PAXBP1: variants seen among roughly 807,000 people sequenced by gnomAD.
The protein encoded by PAXBP1 is PAX3- and PAX7-binding protein 1.
In PAXBP1, 44 loss-of-function variants were observed where a neutral mutation model predicts 119.9. That is an observed-to-expected ratio of 0.37 (90% CI 0.29 to 0.47). The LOEUF (loss-of-function observed/expected upper bound fraction) is 0.47. PAXBP1 is among the 20% of genes least tolerant of loss of function. PAXBP1 has a pLI of 0.99. For synonymous variants in PAXBP1, 393 were observed against 406.6 expected (o/e 0.97, Z 0.40); for missense variants, 898 against 1,134.1 (o/e 0.79, Z 2.99).
chr21:32,760,855 C>T (rs1459863747), intron 5 of PAXBP1, among the ~76,000 whole-genome samples: 1 of 151,784 alleles, frequency 6.6e-6, no homozygotes, highest in African/African-American at 2.4e-5. Context: ...AAGCCGAACA[C>T]ACTGCAGTTT....
At chr21:32,756,581 C>CT in intron 7 of PAXBP1, 1 of 255,070 alleles carries the variant, frequency 3.9e-6, no homozygotes, top group South Asian at 3.8e-5. Flanking sequence ...TCCAGAGACT[C>CT]TATCATTAAA....
Position 32,759,101 on chromosome 21 carries a change from C to G in PAXBP1, c.1362G>C (p.Leu454Phe). The G allele has an allele frequency of 6.2e-7, 1 of 1,613,608 alleles. No individual in the cohort carries two copies. The highest frequency in any genetic ancestry group is 8.5e-7 in the Non-Finnish European group (1 of 1,179,736). The change falls in exon 7 of 18, where the codon TTG becomes TTC. Residue 454 changes from leucine to phenylalanine, a missense_variant. Transcript: ENST00000331923. ...TTACCTTTTCACTGAAACACTCAAG[C>G]AAGTCTTGGACATACCCTCGCATTT... Reference protein sequence around the residue: ...LQEMRGYVQDLLECFSEKVPL... With the variant: ...LQEMRGYVQDFLECFSEKVPL...
At chr21:32,750,036 A>G (rs914618165) in intron 10 of PAXBP1, among the ~76,000 whole-genome samples, 4 of 152,232 alleles carry the variant, frequency 2.6e-5, no homozygotes, top group African/African-American at 9.6e-5. Context: ...GAAAAATTAT[A>G]TATGGACATG....
Position 32,761,194 on chromosome 21 carries a change from A to T in PAXBP1, c.872-32T>A, listed in dbSNP as rs765322251. 1.9e-6 allele frequency: 3 copies of T among 1,548,606 alleles called. No individual in the cohort carries two copies. The Admixed American group carries it at 5.1e-5, about 26-fold the overall frequency. On this transcript the variant is annotated intron_variant, in intron 4 of 17. Transcript: ENST00000331923. ...CCATGAGCAACAAAGAAAAGTAAGT[A>T]ACACCCAAAGAGCAAAGAGGTAAAA...
intron 7 of PAXBP1, among the ~76,000 whole-genome samples, chr21:32,757,285 TTTG>T (rs2044058730): frequency 6.6e-6 from 1 of 152,110 alleles, no homozygotes; most frequent in African/African-American, 2.4e-5. Flanking sequence ...GCAGTACTTT[TTTG>T]TTTTTTCTTT....
rs935839562 is a variant in PAXBP1 at position 32,760,904 on chromosome 21, T to TGCGTGC, written c.975+154_975+155insGCACGC. Among the ~76,000 whole-genome samples, 17 of 142,276 alleles carry TGCGTGC rather than the reference T, an allele frequency of 1.2e-4. No homozygotes were observed. In the East Asian group the frequency reaches 1.6e-3, roughly 13 times the overall value. The allele number at this position is 142,276 out of a possible 152,430, so 93.3% of individuals were successfully genotyped here. A position where few individuals can be genotyped will look rare whatever the true frequency, so the allele number is the denominator to read the frequency against. ...ACGTGTCTCTGTGTGCGTGCGTGCG[T>TGCGTGC]GTGTGTGTGTGTGTGTGTGTGTGTG... On this transcript the variant is annotated intron_variant, in intron 5 of 17. Coordinates refer to ENST00000331923, the MANE Select transcript of PAXBP1 (RefSeq NM_016631.4).
At chr21:32,760,503 G>T (rs960176926) in intron 5 of PAXBP1, among the ~76,000 whole-genome samples, 2 of 152,156 alleles carry the variant, frequency 1.3e-5, no homozygotes, top group African/African-American at 4.8e-5. Flanking sequence ...TAACTGGGAA[G>T]ATATTTTTCA....
intron 11 of PAXBP1, among the ~76,000 whole-genome samples, chr21:32,746,926 T>C (rs1388367642): frequency 6.6e-6 from 1 of 152,202 alleles, no homozygotes; most frequent in Admixed American, 6.5e-5. Flanking sequence ...CGAGGTCATG[T>C]CCTTTGCAGG....
chr21:32,760,936 T>A, intron 5 of PAXBP1, 123 bp downstream of exon 5: 1 of 672,404 alleles, frequency 1.5e-6, no homozygotes, highest in Non-Finnish European at 2.6e-6. Context: ...TGTGTGTGTC[T>A]CCTCATGGGA....
chr21:32,749,362 T>G (rs2043924423), intron 10 of PAXBP1, among the ~76,000 whole-genome samples: 1 of 151,916 alleles, frequency 6.6e-6, no homozygotes, highest in South Asian at 2.1e-4. Context: ...GCCCAACTAA[T>G]TTTTGTATTT....
chr21:32,770,167 C>T (rs1233788744), intron 1 of PAXBP1, among the ~76,000 whole-genome samples: 3 of 152,134 alleles, frequency 2.0e-5, no homozygotes, highest in Non-Finnish European at 2.9e-5. Context: ...AGGAATAGCA[C>T]ATGTAACTTC....
At chr21:32,744,735 G>T in intron 13 of PAXBP1, 57 bp downstream of exon 13, 3 of 1,472,372 alleles carry the variant, frequency 2.0e-6, no homozygotes, top group Non-Finnish European at 2.7e-6. Context: ...CTCAATGCTT[G>T]CTCATATTCA....
intron 5 of PAXBP1, 86 bp downstream of exon 5, chr21:32,760,973 G>T (rs1202477387): frequency 4.1e-6 from 4 of 980,256 alleles, no homozygotes; most frequent in East Asian, 2.4e-5. Context: ...GAATGACAAA[G>T]ATTCAATACG....
chr21:32,756,513 T>A, intron 7 of PAXBP1: 2 of 407,598 alleles, frequency 4.9e-6, no homozygotes, highest in South Asian at 3.7e-5. Context: ...TTCTTTAATA[T>A]GCCACACCAT....
In PAXBP1 at chr21:32,745,642, T is replaced by C; in HGVS notation, c.2000A>G (p.Glu667Gly). 2 of 1,614,094 alleles carry C rather than the reference T, an allele frequency of 1.2e-6. 1 individual carries two copies. The highest frequency in any genetic ancestry group is 3.3e-4 in the Middle Eastern group (2 of 6,060). ...LFYGCEEREQ[E>G]KDDVDVALLP... ...TAGGGCAACATCTACATCATCTTTT[T>C]CTTGCTCTCGTTCTTCACAACCATA... The change falls in exon 12 of 18, where the codon GAA becomes GGA. Residue 667 changes from glutamate to glycine, a missense_variant. By Grantham distance (98) the Glu-to-Gly change is moderately conservative (BLOSUM62 -2). Transcript: ENST00000331923.
At chr21:32,740,529 T>A (rs2043765025) in intron 15 of PAXBP1, among the ~76,000 whole-genome samples, 1 of 152,304 alleles carries the variant, frequency 6.6e-6, no homozygotes, top group East Asian at 1.9e-4. Context: ...GCTATCGCCT[T>A]TTCAACAAAT....
intron 2 of PAXBP1, among the ~76,000 whole-genome samples, chr21:32,765,140 C>T (rs1348308811): frequency 1.3e-5 from 2 of 152,192 alleles, no homozygotes; most frequent in Non-Finnish European, 2.9e-5. Flanking sequence ...GGACTTCTGA[C>T]TGAAGCAGAG....
intron 15 of PAXBP1, among the ~76,000 whole-genome samples, chr21:32,740,886 G>C (rs1198888152): frequency 5.9e-5 from 9 of 151,570 alleles, no homozygotes; most frequent in African/African-American, 2.2e-4. Context: ...TCAATGCTTA[G>C]TAAGAATAAA....
Position 32,771,481 on chromosome 21 carries a change from G to T in PAXBP1, c.188C>A (p.Pro63Gln). The T allele has an allele frequency of 1.5e-6, 2 of 1,328,858 alleles. No homozygotes were observed. Among genetic ancestry groups the T allele is most frequent in the Non-Finnish European group, 1.9e-6 (2 of 1,046,388 alleles). The allele number at this position is 1,328,858 out of a possible 1,614,324, so 82.3% of individuals were successfully genotyped here. A position where few individuals can be genotyped will look rare whatever the true frequency, so the allele number is the denominator to read the frequency against. The change falls in exon 1 of 18, where the codon CCG (proline) becomes CAG (glutamine). Residue 63 changes from proline to glutamine, a missense_variant. Pro to Gln is a moderately conservative substitution (Grantham distance 76). Transcript: ENST00000331923. The stretch of plus-strand genomic sequence containing the variant: ...GAGGCCCGGGGTCAGCGCGGAAGGC[G>T]GCGACGGCCCCGGGCCCAGCAGCGA... ...GESLLGPGPS[P>Q]PSALTPGLGA...
Sources: gnomAD v4.1 joint callset for allele counts (sites outside exome capture counted in the v4.1 genomes callset) on GRCh38, gnomAD v4.1.1 for gene constraint, MANE v1.5 for transcripts, NCBI Gene and HGNC (gene_info 2026-07-23, HGNC 2026-07-21) for gene names.